SMG5: variants seen among roughly 807,000 people sequenced by gnomAD.
SMG5 encodes the protein SMG5 nonsense mediated mRNA decay factor, also known as nonsense-mediated mRNA decay factor SMG5.
Under a neutral mutation model 122.9 loss-of-function variants are expected in SMG5, and 53 were observed. The observed-to-expected ratio is 0.43, with a 90% CI of 0.35 to 0.54. The LOEUF (loss-of-function observed/expected upper bound fraction) is 0.54. Ranked by LOEUF, SMG5 falls within the 20% of genes least tolerant of loss-of-function variation. SMG5 has a pLI of 0.01. For synonymous variants in SMG5, 477 were observed against 490.2 expected (o/e 0.97, Z 0.35); for missense variants, 1,153 against 1,285.6 (o/e 0.90, Z 1.58).
chr1:156,281,917 G>A (rs1479944002), intron 1 of SMG5, among the ~76,000 whole-genome samples: 1 of 152,168 alleles, frequency 6.6e-6, no homozygotes, highest in Non-Finnish European at 1.5e-5. Flanking sequence ...ACCAGGAACG[G>A]AAGTTGCCTG....
intron 2 of SMG5, 146 bp downstream of exon 2, chr1:156,278,790 T>C (rs1558246769): frequency 7.4e-6 from 5 of 678,004 alleles, no homozygotes; most frequent in Non-Finnish European, 1.3e-5. Flanking sequence ...ATCTCCTCTC[T>C]TAGGAAGGCC....
intron 1 of SMG5, among the ~76,000 whole-genome samples, chr1:156,282,214 C>G (rs1322054432): frequency 6.6e-6 from 1 of 152,142 alleles, no homozygotes; most frequent in Non-Finnish European, 1.5e-5. Context: ...GACTTCAGTC[C>G]AAGACTCTTC....
chr1:156,266,475 TC>T (rs1191327457), intron 11 of SMG5, 65 bp downstream of exon 11: 242 of 1,610,086 alleles, frequency 1.5e-4, no homozygotes, highest in Middle Eastern at 1.4e-3. Context: ...GAGTCTGTGT[TC>T]CTTTCCTTCA....
Position 156,249,961 on chromosome 1 carries a change from C to CAGG in SMG5, c.*623_*625dup, listed in dbSNP as rs1157359180. On this transcript the variant is annotated 3_prime_UTR_variant, in exon 22 of 22. Transcript: ENST00000361813. ...GCAATGGGATGTGCAGCCCCTGCAG[C>CAGG]AGGAGGAGGAGCACACGAACCCTGA... 1 of 470,796 alleles carries CAGG rather than the reference C, an allele frequency of 2.1e-6. No homozygotes were observed. Among genetic ancestry groups the CAGG allele is most frequent in the South Asian group, 1.5e-5 (1 of 64,534 alleles). The allele number at this position is 470,796 out of a possible 1,614,324, so 29.2% of individuals were successfully genotyped here.
chr1:156,253,812 C>T, intron 16 of SMG5: 1 of 417,908 alleles, frequency 2.4e-6, no homozygotes, highest in Non-Finnish European at 4.5e-6. Flanking sequence ...AGGATTCAAT[C>T]TCTGCTCTTC....
upstream of SMG5, chr1:156,286,383 A>C (rs1340447124): frequency 6.2e-7 from 1 of 1,613,988 alleles, no homozygotes. Context: ...TTTATTCTCT[A>C]CTTCTTCAAC....
At chr1:156,262,199 A>C (rs1294050622) in intron 13 of SMG5, among the ~76,000 whole-genome samples, 1 of 152,132 alleles carries the variant, frequency 6.6e-6, no homozygotes, top group Non-Finnish European at 1.5e-5. Context: ...TGAATGCTTC[A>C]TGAAAGAAGA....
At chr1:156,289,722 A>G in the SMG5 span, among the ~76,000 whole-genome samples, 12 of 152,344 alleles carry the variant, frequency 7.9e-5, no homozygotes, top group Non-Finnish European at 1.5e-4. Context: ...TTTCACAGGT[A>G]AAAAAGAATA....
chr1:156,262,308 G>A (rs1558236495), intron 13 of SMG5, among the ~76,000 whole-genome samples: 1 of 151,632 alleles, frequency 6.6e-6, no homozygotes, highest in African/African-American at 2.4e-5. Flanking sequence ...GTGAAACGCC[G>A]TCTCTACTAA....
chr1:156,259,197 G>C (rs1158494844), intron 15 of SMG5, 34 bp from the exon 16 acceptor site: 1 of 1,530,562 alleles, frequency 6.5e-7, no homozygotes, highest in African/African-American at 1.4e-5. Flanking sequence ...GCGCTGCTGA[G>C]CAGGGCCCTC....
the SMG5 span, among the ~76,000 whole-genome samples, chr1:156,289,009 T>C: frequency 6.6e-6 from 1 of 152,204 alleles, no homozygotes; most frequent in African/African-American, 2.4e-5. Flanking sequence ...CTCAGGTCAG[T>C]CGGCAATAGT....
At chr1:156,267,357 A>G in intron 10 of SMG5, 113 bp downstream of exon 10, 1 of 1,054,982 alleles carries the variant, frequency 9.5e-7, no homozygotes, top group Non-Finnish European at 1.4e-6. Context: ...GCAGTGACAC[A>G]GGAGTGAAGA....
chr1:156,253,864 T>TC, intron 16 of SMG5: 1 of 321,672 alleles, frequency 3.1e-6, no homozygotes. Context: ...CCCATGCACT[T>TC]CCTCACCTTC....
upstream of SMG5, chr1:156,285,523 A>T (rs553983602): frequency 3.7e-6 from 6 of 1,614,188 alleles, no homozygotes; most frequent in Non-Finnish European, 5.1e-6. Context: ...ACATTGAACC[A>T]GAGCCCCCTG....
At chr1:156,264,341 G>GGACA (rs1410997941) in intron 12 of SMG5, among the ~76,000 whole-genome samples, 2 of 149,406 alleles carry the variant, frequency 1.3e-5, no homozygotes, top group East Asian at 4.0e-4. Flanking sequence ...TGAGAACACT[G>GGACA]GACAGGTCCC....
At chr1:156,281,622 A>G (rs1426325115) in intron 1 of SMG5, among the ~76,000 whole-genome samples, 4 of 152,184 alleles carry the variant, frequency 2.6e-5, no homozygotes, top group African/African-American at 9.7e-5. Context: ...TCACCGCCAA[A>G]ATGTGGCCAA....
In SMG5 at chr1:156,282,613, A is replaced by G. The variant is rs755396050; in HGVS notation, c.68T>C (p.Leu23Pro). ...ACGCCCTGGCCCCTCTCACCGGTAA[A>G]GCCGCTTAGTGTGGAGGACTTTTGC... is the stretch of plus-strand genomic sequence containing the variant. ...PEAKVLHTKR[L>P]YRAVVEAVHR... Residue 23 changes from leucine to proline, a missense_variant, in exon 1 of 22, where the codon CTT (leucine) becomes CCT (proline). By Grantham distance (98) the Leu-to-Pro change is moderately conservative. This residue lies in a region of SMG5 where 213 missense variants were observed against 197.5 expected (regional missense o/e 1.08). Transcript: ENST00000361813. 1.9e-6 allele frequency: 3 copies of G among 1,608,416 alleles called. No homozygotes were observed. In the East Asian group the frequency reaches 6.7e-5, roughly 36 times the overall value.
At chr1:156,262,842 T>TA (rs1395046387) in intron 13 of SMG5, among the ~76,000 whole-genome samples, 1 of 142,952 alleles carries the variant, frequency 7.0e-6, no homozygotes, top group African/African-American at 2.5e-5. Context: ...AAACATTGAA[T>TA]AAATGCCTCT....
chr1:156,268,267 T>C (rs1258248285), intron 8 of SMG5, 23 bp downstream of exon 8: 2 of 1,614,084 alleles, frequency 1.2e-6, no homozygotes, highest in East Asian at 4.5e-5. Flanking sequence ...AAAAAACCCG[T>C]CCTCCTCACA....
Sources: allele counts gnomAD v4.1 joint callset (sites outside exome capture counted in the v4.1 genomes callset), GRCh38; gene constraint gnomAD v4.1.1; regional missense constraint gnomAD v4.1.1; transcripts MANE v1.5; gene names NCBI Gene and HGNC (gene_info 2026-07-23, HGNC 2026-07-21).